Variants in SPTLC1 observed in about 807,000 individuals in gnomAD.
The protein encoded by SPTLC1 is serine palmitoyltransferase long chain base subunit 1, also known as serine palmitoyltransferase 1.
Under a neutral mutation model 68.9 loss-of-function variants are expected in SPTLC1, and 55 were observed. The ratio of observed to expected loss-of-function variants is 0.80; its 90% CI spans 0.64 to 1.00. SPTLC1 has a LOEUF of 1.00. Among genes scored for constraint, SPTLC1 ranks in the 50% least tolerant of loss-of-function variants. SPTLC1 has a pLI of 0.00. For missense variants in SPTLC1, 449 were observed against 573.1 expected, an observed-to-expected ratio of 0.78 and a Z score of 2.21; for synonymous variants, 197 against 201.6, an observed-to-expected ratio of 0.98 and a Z score of 0.19.
chr9:92,055,446 A>G lies in SPTLC1; in HGVS notation c.739T>C (p.Leu247=), dbSNP rs754247416. Residue 247 remains leucine (L), a synonymous_variant, in exon 8 of 15, where the codon TTG becomes CTG. Transcript: ENST00000262554. ...VTRRFIVVEG[L]YMNTGTICPL... Reference sequence around the variant, plus strand: ...CAAATAGTTCCAGTATTCATATACAATCCTTCTACTACAATGAAACGCCGA... The same window carrying G: ...CAAATAGTTCCAGTATTCATATACAGTCCTTCTACTACAATGAAACGCCGA... The G allele has an allele frequency of 1.2e-6, 2 of 1,613,824 alleles. No homozygotes were observed. Among genetic ancestry groups the G allele is most frequent in the South Asian group, 1.1e-5 (1 of 91,084 alleles).
At chr9:92,075,154 G>C (rs1313200625) in intron 5 of SPTLC1, among the ~76,000 whole-genome samples, 2 of 152,024 alleles carry the variant, frequency 1.3e-5, no homozygotes, top group East Asian at 3.9e-4. Context: ...TCTACTCCAA[G>C]GGGTACAGAG....
chr9:92,052,534 A>T (rs79294389), intron 8 of SPTLC1, among the ~76,000 whole-genome samples: 31,552 of 147,450 alleles, frequency 0.21, 3,450 homozygotes, highest in South Asian at 0.26. Flanking sequence ...TATTATTATT[A>T]TTTTTTTTTT....
chr9:92,066,465 AG>A (rs1206785728), intron 6 of SPTLC1, among the ~76,000 whole-genome samples: 2 of 152,196 alleles, frequency 1.3e-5, no homozygotes, highest in Admixed American at 6.5e-5. Context: ...GAGGAGGAAC[AG>A]TGTTCTAGTC....
intron 3 of SPTLC1, among the ~76,000 whole-genome samples, chr9:92,088,737 A>G (rs966304007): frequency 6.6e-6 from 1 of 152,222 alleles, no homozygotes; most frequent in African/African-American, 2.4e-5. Flanking sequence ...ATGTAGGGAT[A>G]CTATTTCTGT....
chr9:92,051,236 G>T, intron 8 of SPTLC1: 1 of 983,544 alleles, frequency 1.0e-6, no homozygotes, highest in Non-Finnish European at 1.2e-6. Context: ...ACAACATATG[G>T]AACCCTTATT....
At chr9:92,084,082 C>T (rs1308341785) in intron 3 of SPTLC1, among the ~76,000 whole-genome samples, 1 of 151,626 alleles carries the variant, frequency 6.6e-6, no homozygotes, top group East Asian at 1.9e-4. Context: ...GATTTTTGTA[C>T]ATTGATTTTG....
chr9:92,055,830 A>T (rs1833868806), intron 7 of SPTLC1, among the ~76,000 whole-genome samples: 1 of 152,250 alleles, frequency 6.6e-6, no homozygotes. Flanking sequence ...GTTTTACATC[A>T]TAATGGGGCT....
chr9:92,105,314 G>A, intron 3 of SPTLC1: 1 of 1,530,564 alleles, frequency 6.5e-7, no homozygotes, highest in African/African-American at 1.4e-5. Context: ...TTCCCAAAGA[G>A]AAGGACGCCT....
chr9:92,047,030 C>A lies in SPTLC1; in HGVS notation c.1081+142G>T, dbSNP rs563122161. 83 of 749,300 alleles carry A rather than the reference C, an allele frequency of 1.1e-4. No homozygotes were observed. In the East Asian group the frequency reaches 1.3e-3, roughly 12 times the overall value. 46.4% of individuals were successfully genotyped at this position (749,300 alleles called of 1,614,324 possible). ...CCTTGGGGCAGGAATAGCTTCTTCACTGCCATTCTTCCTATGAATGCCATA... is the reference window on the plus strand; with the variant it reads ...CCTTGGGGCAGGAATAGCTTCTTCAATGCCATTCTTCCTATGAATGCCATA... On this transcript the variant is annotated intron_variant, in intron 11 of 14. Transcript: ENST00000262554.
At chr9:92,091,979 A>C (rs1835377466) in intron 3 of SPTLC1, among the ~76,000 whole-genome samples, 1 of 152,202 alleles carries the variant, frequency 6.6e-6, no homozygotes, top group African/African-American at 2.4e-5. Context: ...GCCCACATAC[A>C]TTTCACACCT....
intron 9 of SPTLC1, 79 bp downstream of exon 9, chr9:92,049,881 T>TA: frequency 1.0e-6 from 1 of 979,946 alleles, no homozygotes; most frequent in Non-Finnish European, 1.7e-6. Flanking sequence ...GTCTTGTGCC[T>TA]ATAAAAATAT....
intron 6 of SPTLC1, among the ~76,000 whole-genome samples, chr9:92,064,545 G>C (rs1834216542): frequency 6.6e-6 from 1 of 152,208 alleles, no homozygotes; most frequent in Non-Finnish European, 1.5e-5. Flanking sequence ...TTGGAAAATA[G>C]TTTAGGAGTT....
chr9:92,072,732 T>A (rs1424069252), intron 5 of SPTLC1, among the ~76,000 whole-genome samples: 1 of 152,074 alleles, frequency 6.6e-6, no homozygotes, highest in East Asian at 1.9e-4. Context: ...AAAACAGCAC[T>A]TTCAATTTCT....
intron 4 of SPTLC1, among the ~76,000 whole-genome samples, 173 bp downstream of exon 4, chr9:92,080,697 C>T (rs141317798): frequency 0.013 from 2,046 of 152,240 alleles, 42 homozygotes; most frequent in African/African-American, 0.047. Context: ...TGCCACCATG[C>T]CCTGCTAATT....
chr9:92,089,218 C>G lies in SPTLC1; in HGVS notation c.261-8255G>C, dbSNP rs563433841. 5.0e-4 allele frequency among the ~76,000 whole-genome samples: 76 copies of G among 152,250 alleles called. No homozygotes were observed. In the South Asian group the frequency reaches 0.015, roughly 31 times the overall value. Reference sequence around the variant, plus strand: ...CTGAGGTCAGGAGTTCAAGACCAGCCTGACCAACATGGTGAGACCCCATCT... The same window carrying G: ...CTGAGGTCAGGAGTTCAAGACCAGCGTGACCAACATGGTGAGACCCCATCT... On this transcript the variant is annotated intron_variant, in intron 3 of 14. Coordinates refer to ENST00000262554, the MANE Select transcript of SPTLC1 (RefSeq NM_006415.4).
chr9:92,032,293 A>G lies in SPTLC1; in HGVS notation c.*172T>C. 1.3e-6 allele frequency: 2 copies of G among 1,534,006 alleles called. No individual in the cohort carries two copies. Among genetic ancestry groups the G allele is most frequent in the Non-Finnish European group, 1.7e-6 (2 of 1,145,752 alleles). The stretch of plus-strand genomic sequence containing the variant: ...TTAGATGTGTTTTCTTTTTAAAAAA[A>G]ATAAGCATCCTTCTCATGGTCACAC... On this transcript the variant is annotated 3_prime_UTR_variant, in exon 15 of 15. Coordinates refer to ENST00000262554, the MANE Select transcript of SPTLC1 (RefSeq NM_006415.4).
chr9:92,114,316 C>T (rs1836354842), intron 1 of SPTLC1, among the ~76,000 whole-genome samples: 1 of 152,120 alleles, frequency 6.6e-6, no homozygotes, highest in South Asian at 2.1e-4. Flanking sequence ...CAATGAATAG[C>T]TCTGCAAGAC....
intron 3 of SPTLC1, among the ~76,000 whole-genome samples, chr9:92,100,220 G>A (rs1835698689): frequency 6.6e-6 from 1 of 152,062 alleles, no homozygotes; most frequent in African/African-American, 2.4e-5. Flanking sequence ...TTTGAGACCA[G>A]CCTGACCAAC....
chr9:92,072,796 G>A (rs558088994), intron 5 of SPTLC1, among the ~76,000 whole-genome samples: 7 of 152,042 alleles, frequency 4.6e-5, no homozygotes, highest in Non-Finnish European at 8.8e-5. Context: ...ATGGTCTGAG[G>A]TACCCTACAT....
Sources: allele counts gnomAD v4.1 joint callset (sites outside exome capture counted in the v4.1 genomes callset), GRCh38; gene constraint gnomAD v4.1.1; transcripts MANE v1.5; gene names NCBI Gene and HGNC (gene_info 2026-07-23, HGNC 2026-07-21).